EML6: variants seen among roughly 807,000 people sequenced by gnomAD.
EML6 encodes the protein echinoderm microtubule-associated protein-like 6.
Under a neutral mutation model 240.1 loss-of-function variants are expected in EML6, and 154 were observed. The ratio of observed to expected loss-of-function variants is 0.64; its 90% confidence interval spans 0.56 to 0.73. EML6 has a LOEUF of 0.73. EML6 is among the 30% of genes least tolerant of loss of function. The pLI, the probability that EML6 is intolerant of heterozygous loss-of-function variation, is 0.00. For missense variants in EML6, 2,964 were observed against 2,474.6 expected, an observed-to-expected ratio of 1.20 and a Z score of -4.20; for synonymous variants, 1,148 against 899.0, an observed-to-expected ratio of 1.28 and a Z score of -4.95.
chr2:54,867,929 T>A (rs958239809), intron 14 of EML6: 12 of 152,012 alleles, frequency 7.9e-5, no homozygotes, highest in African/African-American at 2.2e-4. Flanking sequence ...AGAAAAAAAA[T>A]TTTTCTGTGG....
At position 54,892,518 on chromosome 2, in the gene EML6, T is replaced by C. The variant is rs1190011659; in HGVS notation, c.2604T>C (p.Cys868=). 11 of 1,551,516 alleles carry C rather than the reference T, an allele frequency of 7.1e-6. No homozygotes were observed. The highest frequency in any genetic ancestry group is 9.6e-6 in the Non-Finnish European group (11 of 1,146,802). Residue 868 remains cysteine, a synonymous_variant, in exon 19 of 42, where the codon TGT becomes TGC. Transcript: ENST00000356458. ...TTGGAAAATTGGAAACAATGATGTG[T>C]GTTTCTTACGGACGAATGGAAGATC... is the stretch of plus-strand genomic sequence containing the variant. ...GSVGKLETMM[C]VSYGRMEDLV...
At chr2:54,823,850 T>TTATCTCTCTCTCTC (rs1553387709) in intron 5 of EML6, among the ~76,000 whole-genome samples, 1 of 72,262 alleles carries the variant, frequency 1.4e-5, no homozygotes, top group African/African-American at 5.4e-5. Flanking sequence ...CATTCATTCA[T>TTATCTCTCTCTCTC]TCTCTCTCTC....
intron 28 of EML6, among the ~76,000 whole-genome samples, chr2:54,938,913 T>C (rs1372240723): frequency 6.6e-6 from 1 of 152,222 alleles, no homozygotes; most frequent in Non-Finnish European, 1.5e-5. Context: ...CCTTAAGAAC[T>C]GAACAATCAC....
chr2:54,732,262 C>A (rs1683208573), intron 2 of EML6, among the ~76,000 whole-genome samples: 1 of 151,858 alleles, frequency 6.6e-6, no homozygotes, highest in Non-Finnish European at 1.5e-5. Flanking sequence ...TATTCACTGT[C>A]TTGGTGGTAC....
At chr2:54,815,232 G>A (rs1032970907) in intron 3 of EML6, among the ~76,000 whole-genome samples, 2 of 152,204 alleles carry the variant, frequency 1.3e-5, no homozygotes, top group African/African-American at 4.8e-5. Context: ...GAAGGATGGT[G>A]GGTGGGGGTG....
intron 28 of EML6, 116 bp from the exon 29 acceptor site, chr2:54,948,766 G>C (rs541755206): frequency 1.4e-6 from 1 of 728,668 alleles, no homozygotes; most frequent in South Asian, 1.6e-5. Flanking sequence ...AAGTGGAGGG[G>C]CCTTTGAGGC....
chr2:54,744,742 G>A (rs1683822396), intron 2 of EML6, among the ~76,000 whole-genome samples: 1 of 151,968 alleles, frequency 6.6e-6, no homozygotes, highest in South Asian at 2.1e-4. Flanking sequence ...TGGGAGGATG[G>A]GGGCCTATTT....
chr2:54,804,042 A>G (rs1463904405), intron 2 of EML6, among the ~76,000 whole-genome samples: 1 of 152,204 alleles, frequency 6.6e-6, no homozygotes, highest in African/African-American at 2.4e-5. Flanking sequence ...CTACCTTCCA[A>G]ATCCCTTGAT....
At chr2:54,793,542 C>G (rs1179031670) in intron 2 of EML6, among the ~76,000 whole-genome samples, 1 of 152,118 alleles carries the variant, frequency 6.6e-6, no homozygotes, top group African/African-American at 2.4e-5. Flanking sequence ...TCCTGTCGAA[C>G]TTCCTCACAC....
In EML6 at chr2:54,964,727, C is replaced by T. The variant is rs1346233209; in HGVS notation, c.5487C>T (p.Tyr1829=). The stretch of plus-strand genomic sequence containing the variant: ...TGGATTTTTCTGCGGATGGCAAATA[C>T]ATTCAGGTATGCTTGGGGTTTACTT... The part of the protein sequence containing the change: ...IQMDFSADGK[Y]IQVSTGAYKR... Residue 1829 remains tyrosine (Y), a synonymous_variant, in exon 38 of 42, where the codon TAC becomes TAT. Transcript: ENST00000356458. The T allele has an allele frequency of 5.2e-6, 8 of 1,551,824 alleles. No homozygotes were observed. Among genetic ancestry groups the T allele is most frequent in the Middle Eastern group, 3.3e-4 (2 of 5,994 alleles).
At chr2:54,742,499 C>G (rs1438628005) in intron 2 of EML6, among the ~76,000 whole-genome samples, 3 of 152,214 alleles carry the variant, frequency 2.0e-5, no homozygotes, top group Non-Finnish European at 4.4e-5. Flanking sequence ...TTCCTCCTTG[C>G]CACTGTAGCA....
chr2:54,823,335 T>C (rs1162282246), intron 5 of EML6, among the ~76,000 whole-genome samples: 3 of 152,052 alleles, frequency 2.0e-5, no homozygotes, highest in Non-Finnish European at 4.4e-5. Context: ...TGCACTTCTG[T>C]CAGGAGTTAA....
chr2:54,893,355 G>C (rs777000034), intron 19 of EML6, among the ~76,000 whole-genome samples: 1 of 152,136 alleles, frequency 6.6e-6, no homozygotes, highest in African/African-American at 2.4e-5. Flanking sequence ...GGCTGCAACA[G>C]GGAAGGGCCT....
chr2:54,814,584 T>A (rs1011508925), intron 3 of EML6, among the ~76,000 whole-genome samples: 9 of 152,192 alleles, frequency 5.9e-5, no homozygotes, highest in Admixed American at 5.9e-4. Context: ...TCCTTCAATC[T>A]AATTTTTGAC....
chr2:54,731,175 A>C (rs1466648935), intron 2 of EML6, among the ~76,000 whole-genome samples: 1 of 152,198 alleles, frequency 6.6e-6, no homozygotes, highest in Non-Finnish European at 1.5e-5. Flanking sequence ...TAATGTGCCT[A>C]AAATTCTGGT....
intron 2 of EML6, among the ~76,000 whole-genome samples, chr2:54,792,472 A>G (rs1669506265): frequency 6.6e-6 from 1 of 152,220 alleles, no homozygotes; most frequent in Admixed American, 6.5e-5. Context: ...CCAAGTGGAA[A>G]ACTTATTTTC....
intron 7 of EML6, 79 bp from the exon 8 acceptor site, chr2:54,843,968 G>GTGTGTGTC (rs1201351753): frequency 5.8e-4 from 291 of 499,626 alleles, no homozygotes; most frequent in Middle Eastern, 1.6e-3. Context: ...AGGGTTTTGT[G>GTGTGTGTC]TGTGTGTGTG....
At chr2:54,853,894 C>A in intron 11 of EML6, 39 bp downstream of exon 11, 1 of 1,371,056 alleles carries the variant, frequency 7.3e-7, no homozygotes, top group Non-Finnish European at 1.0e-6. Flanking sequence ...TAAAGATTTA[C>A]TCTAAACTGT....
In EML6 at chr2:54,970,206, G is replaced by A; in HGVS notation, c.*111G>A. 9.7e-7 allele frequency: 1 copy of A among 1,029,778 alleles called. No homozygotes were observed. Among genetic ancestry groups the A allele is most frequent in the Non-Finnish European group, 1.5e-6 (1 of 675,312 alleles). The allele number at this position is 1,029,778 out of a possible 1,614,324, so 63.8% of individuals were successfully genotyped here. A position where few individuals can be genotyped will look rare whatever the true frequency, so the allele number is the denominator to read the frequency against. On this transcript the variant is annotated 3_prime_UTR_variant, in exon 42 of 42. Transcript: ENST00000356458. The stretch of plus-strand genomic sequence containing the variant: ...GCCGTTGGGAAATGCCTACCATGCT[G>A]CCCCGGATGCACAAGCTCAAAACGC...
Sources: gnomAD v4.1 joint callset for allele counts (sites outside exome capture counted in the v4.1 genomes callset) on GRCh38, gnomAD v4.1.1 for gene constraint, MANE v1.5 for transcripts, NCBI Gene and HGNC (gene_info 2026-07-23, HGNC 2026-07-21) for gene names.